HNRNPU: variants seen among roughly 807,000 people sequenced by gnomAD.
HNRNPU encodes the protein HNRNPU antisense RNA 1.
HNRNPU carries 5 observed loss-of-function variants against 94.7 expected under a neutral mutation model. The observed-to-expected ratio is 0.05, with a 90% confidence interval of 0.03 to 0.11. The LOEUF (loss-of-function observed/expected upper bound fraction) is 0.11, where lower values mean the gene tolerates loss of function less well. Among genes scored for constraint, HNRNPU ranks in the 10% least tolerant of loss-of-function variants. HNRNPU has a pLI of 1.00. For synonymous variants in HNRNPU, 434 were observed against 381.6 expected (o/e 1.14, Z -1.60); for missense variants, 710 against 1,049.2 (o/e 0.68, Z 4.47).
In HNRNPU at chr1:244,853,046, C is replaced by T. The variant is rs901223396; in HGVS notation, c.*1404G>A. The T allele has an allele frequency of 1.3e-5, 2 of 152,432 alleles. No homozygotes were observed. Among genetic ancestry groups the T allele is most frequent in the Non-Finnish European group, 2.9e-5 (2 of 67,990 alleles). The allele number at this position is 152,432 out of a possible 1,614,324, so 9.4% of individuals were successfully genotyped here. On this transcript the variant is annotated 3_prime_UTR_variant, in exon 14 of 14. Transcript: ENST00000640218. ...TGATGGCTTCTAAAAGCATCTGATC[C>T]CAGAGTTTCATGTATCATATATATG... is the stretch of plus-strand genomic sequence containing the variant.
chr1:244,854,676 T>C, intron 13 of HNRNPU, 173 bp from the exon 14 acceptor site: 1 of 590,248 alleles, frequency 1.7e-6, no homozygotes, highest in Non-Finnish European at 3.0e-6. Flanking sequence ...TAATTATCAA[T>C]ACACATTACA....
At chr1:244,855,272 T>G in intron 12 of HNRNPU, 152 bp downstream of exon 12, 2 of 811,164 alleles carry the variant, frequency 2.5e-6, no homozygotes, top group Non-Finnish European at 2.0e-6. Flanking sequence ...CAAAAGTAAG[T>G]AGACTCATTT....
Position 244,852,725 on chromosome 1 carries a change from T to C in HNRNPU, c.*1725A>G, listed in dbSNP as rs1680580895. Reference sequence around the variant, plus strand: ...TTATAGCAAGAAAATTCCTTAGAAGTATGAATTCATATTTATGATCTGATT... The same window carrying C: ...TTATAGCAAGAAAATTCCTTAGAAGCATGAATTCATATTTATGATCTGATT... On this transcript the variant is annotated 3_prime_UTR_variant, in exon 14 of 14. Coordinates refer to ENST00000640218, the MANE Select transcript of HNRNPU (RefSeq NM_031844.3). 6.6e-6 allele frequency: 1 copy of C among 152,204 alleles called. No homozygotes were observed. The highest frequency in any genetic ancestry group is 1.5e-5 in the Non-Finnish European group (1 of 68,016). The allele number at this position is 152,204 out of a possible 1,614,324, so 9.4% of individuals were successfully genotyped here. A position where few individuals can be genotyped will look rare whatever the true frequency, so the allele number is the denominator to read the frequency against.
In HNRNPU at chr1:244,862,444, G is replaced by T; in HGVS notation, c.877+17C>A. On this transcript the variant is annotated intron_variant, in intron 3 of 13. Coordinates refer to ENST00000640218, the MANE Select transcript of HNRNPU (RefSeq NM_031844.3). ...CATCACCGCATTTCATAATTGGGGA[G>T]AAACAGCTTCACTTACAAGTATCAA... 1 of 1,528,860 alleles carries T rather than the reference G, an allele frequency of 6.5e-7. No individual in the cohort carries two copies. Among genetic ancestry groups the T allele is most frequent in the South Asian group, 1.2e-5 (1 of 83,628 alleles). 94.7% of individuals were successfully genotyped at this position (1,528,860 alleles called of 1,614,324 possible). A position where few individuals can be genotyped will look rare whatever the true frequency, so the allele number is the denominator to read the frequency against.
chr1:244,864,089 G>A lies in HNRNPU; in HGVS notation c.219C>T (p.Gly73=). The change falls in exon 1 of 14, where the codon GGC becomes GGT. Residue 73 remains glycine (G), a synonymous_variant. Transcript: ENST00000640218. ...CGCCGGCCGCGGCCTCCTGCTCGAGGCCTGCTCCCGAGCGCCCAGCGGAAT... is the reference window on the plus strand; with the variant it reads ...CGCCGGCCGCGGCCTCCTGCTCGAGACCTGCTCCCGAGCGCCCAGCGGAAT... ...GGDSAGRSGA[G]LEQEAAAGGD... 1.3e-6 allele frequency: 2 copies of A among 1,597,434 alleles called. No individual in the cohort carries two copies. The highest frequency in any genetic ancestry group is 2.7e-5 in the African/African-American group (2 of 74,546).
chr1:244,857,659 G>C lies in HNRNPU; in HGVS notation c.1553C>G (p.Ala518Gly), dbSNP rs1680715954. ...AGKTTWVTKH[A>G]AENPGKYNIL... Reference sequence around the variant, plus strand: ...GTTATATTTCCCTGGATTTTCTGCTGCATGTTTAGTAACCCAGGTAGTTTT... The same window carrying C: ...GTTATATTTCCCTGGATTTTCTGCTCCATGTTTAGTAACCCAGGTAGTTTT... Residue 518 changes from alanine (A) to glycine (G), a missense_variant, in exon 8 of 14, where the codon GCA becomes GGA. By Grantham distance (60) the Ala-to-Gly change is moderately conservative. Coordinates refer to ENST00000640218, the MANE Select transcript of HNRNPU (RefSeq NM_031844.3). 1 of 1,612,698 alleles carries C rather than the reference G, an allele frequency of 6.2e-7. No individual in the cohort carries two copies. The highest frequency in any genetic ancestry group is 8.5e-7 in the Non-Finnish European group (1 of 1,178,846).
rs1194352110 is a variant in HNRNPU at position 244,853,278 on chromosome 1, T to C, written c.*1172A>G. ...AAGTTTTTAAAACCTAAATGTTCTA[T>C]GCAGAGTAAAGAATAAGCTGTCCAG... On this transcript the variant is annotated 3_prime_UTR_variant, in exon 14 of 14. Transcript: ENST00000640218. 2.0e-5 allele frequency: 3 copies of C among 152,636 alleles called. No individual in the cohort carries two copies. The highest frequency in any genetic ancestry group is 7.2e-5 in the African/African-American group (3 of 41,458). 9.5% of individuals were successfully genotyped at this position (152,636 alleles called of 1,614,324 possible). A position where few individuals can be genotyped will look rare whatever the true frequency, so the allele number is the denominator to read the frequency against.
At chr1:244,857,216 A>G (rs1680703709) in intron 8 of HNRNPU, 2 of 228,348 alleles carry the variant, frequency 8.8e-6, no homozygotes, top group South Asian at 2.4e-4. Context: ...AAGTTTACCT[A>G]GAATACCTCC....
intron 6 of HNRNPU, 162 bp from the exon 7 acceptor site, chr1:244,858,436 T>C (rs1680737402): frequency 1.5e-6 from 1 of 652,824 alleles, no homozygotes; most frequent in Non-Finnish European, 2.6e-6. Flanking sequence ...CTGATGGTTG[T>C]AAACCATGAA....
Position 244,855,407 on chromosome 1 carries a change from G to A in HNRNPU, c.2352+17C>T, listed in dbSNP as rs772912002. 1.2e-6 allele frequency: 2 copies of A among 1,609,008 alleles called. No homozygotes were observed. On this transcript the variant is annotated intron_variant, in intron 12 of 13. Transcript: ENST00000640218. The stretch of plus-strand genomic sequence containing the variant: ...CTACAGTTATCAATCATGCTTCCAG[G>A]GATCTTGAATCATTACCTGGTTGTA...
At chr1:244,860,644 G>C (rs766429876) in intron 3 of HNRNPU, 170 bp from the exon 4 acceptor site, 1 of 600,808 alleles carries the variant, frequency 1.7e-6, no homozygotes, top group Non-Finnish European at 3.0e-6. Context: ...CTCCCACCAA[G>C]TCACTCCTGT....
intron 11 of HNRNPU, 50 bp from the exon 12 acceptor site, chr1:244,855,658 T>C (rs1460440937): frequency 5.1e-6 from 8 of 1,570,114 alleles, no homozygotes; most frequent in East Asian, 2.2e-5. Context: ...ACCCTACTTA[T>C]ACAGAAGACT....
At position 244,852,017 on chromosome 1, in the gene HNRNPU, G is replaced by A. The variant is rs1176890850; in HGVS notation, c.*2433C>T. On this transcript the variant is annotated 3_prime_UTR_variant, in exon 14 of 14. Coordinates refer to ENST00000640218, the MANE Select transcript of HNRNPU (RefSeq NM_031844.3). ...TTCAAATCAACAGCAATCTCACAGT[G>A]AGTTTCCTCTGGGTAGTCAGGATTT... 5 of 152,170 alleles carry A rather than the reference G, an allele frequency of 3.3e-5. No homozygotes were observed. The highest frequency in any genetic ancestry group is 1.5e-5 in the Non-Finnish European group (1 of 68,042). The allele number at this position is 152,170 out of a possible 1,614,324, so 9.4% of individuals were successfully genotyped here. A position where few individuals can be genotyped will look rare whatever the true frequency, so the allele number is the denominator to read the frequency against.
chr1:244,857,661 A>G lies in HNRNPU; in HGVS notation c.1551T>C (p.His517=). The G allele has an allele frequency of 6.2e-7, 1 of 1,613,470 alleles. No individual in the cohort carries two copies. The highest frequency in any genetic ancestry group is 8.5e-7 in the Non-Finnish European group (1 of 1,179,396). ...GAGKTTWVTK[H]AAENPGKYNI... ...TATATTTCCCTGGATTTTCTGCTGCATGTTTAGTAACCCAGGTAGTTTTTC... is the reference window on the plus strand; with the variant it reads ...TATATTTCCCTGGATTTTCTGCTGCGTGTTTAGTAACCCAGGTAGTTTTTC... Residue 517 remains histidine, a synonymous_variant, in exon 8 of 14, where the codon CAT becomes CAC. Transcript: ENST00000640218.
At chr1:244,854,730 G>A (rs141318146) in intron 13 of HNRNPU, 1 of 534,874 alleles carries the variant, frequency 1.9e-6, no homozygotes, top group Non-Finnish European at 3.3e-6. Flanking sequence ...ATTAAAGCTA[G>A]CAGTAAAAGA....
chr1:244,863,570 C>T, intron 1 of HNRNPU, 47 bp downstream of exon 1: 1 of 1,372,606 alleles, frequency 7.3e-7, no homozygotes, highest in Non-Finnish European at 9.3e-7. Flanking sequence ...ACGGTCCCCA[C>T]CCCGCGCGGG....
chr1:244,861,195 A>G (rs1181423840), intron 3 of HNRNPU: 3 of 152,188 alleles, frequency 2.0e-5, no homozygotes, highest in Non-Finnish European at 4.4e-5. Flanking sequence ...TCAAGCTGGA[A>G]CTCATTTTCT....
At chr1:244,857,536 C>T in intron 8 of HNRNPU, 62 bp downstream of exon 8, 2 of 1,541,532 alleles carry the variant, frequency 1.3e-6, no homozygotes, top group East Asian at 2.3e-5. Flanking sequence ...CGTGAACCAC[C>T]ATGCCCAGCC....
Position 244,854,212 on chromosome 1 carries a change from TACTG to T in HNRNPU, c.*234_*237del. On this transcript the variant is annotated 3_prime_UTR_variant, in exon 14 of 14. Transcript: ENST00000640218. The stretch of plus-strand genomic sequence containing the variant: ...ACAGATAAAATGTAGAACCCTGAAA[TACTG>T]ACACATTCTCTTATCGTGCACAATG... 1 of 411,520 alleles carries T rather than the reference TACTG, an allele frequency of 2.4e-6. No individual in the cohort carries two copies. Among genetic ancestry groups the T allele is most frequent in the South Asian group, 3.7e-5 (1 of 27,300 alleles). The allele number at this position is 411,520 out of a possible 1,614,324, so 25.5% of individuals were successfully genotyped here.
Sources: allele counts gnomAD v4.1 joint callset, GRCh38; gene constraint gnomAD v4.1.1; transcripts MANE v1.5; gene names NCBI Gene and HGNC (gene_info 2026-07-23, HGNC 2026-07-21).